The following ABLIM2 variants were observed in gnomAD, a reference collection of about 807,000 sequenced individuals.
The protein encoded by ABLIM2 is actin binding LIM protein family member 2, also known as actin-binding LIM protein 2.
ABLIM2 carries 53 observed loss-of-function variants against 97.7 expected under a neutral mutation model. The ratio of observed to expected loss-of-function variants is 0.54; its 90% CI spans 0.44 to 0.68. The LOEUF is 0.68. ABLIM2 is among the 30% of genes least tolerant of loss of function. The pLI, the probability that ABLIM2 is intolerant of heterozygous loss-of-function variation, is 0.00. For synonymous variants in ABLIM2, 361 were observed against 345.8 expected (o/e 1.04, Z -0.49); for missense variants, 835 against 867.2 (o/e 0.96, Z 0.47).
intron 14 of ABLIM2, among the ~76,000 whole-genome samples, chr4:8,012,963 C>A (rs1226866953): frequency 6.6e-6 from 1 of 152,202 alleles, no homozygotes; most frequent in Non-Finnish European, 1.5e-5. Flanking sequence ...GTGCTGAGTG[C>A]CTACTGTGCA....
chr4:8,007,104 C>T, intron 16 of ABLIM2: 1 of 985,430 alleles, frequency 1.0e-6, no homozygotes, highest in Admixed American at 6.1e-5. Context: ...CACATTGAAA[C>T]ACTTTTCTAC....
intron 14 of ABLIM2, among the ~76,000 whole-genome samples, chr4:8,009,925 C>T (rs1008480161): frequency 5.3e-5 from 8 of 152,202 alleles, no homozygotes; most frequent in African/African-American, 1.9e-4. Context: ...TAGGGGCCAA[C>T]ATGAGCCCAG....
intron 14 of ABLIM2, among the ~76,000 whole-genome samples, chr4:8,009,905 A>G (rs1320076): frequency 0.83 from 126,619 of 152,108 alleles, 52,927 homozygotes; most frequent in African/African-American, 0.9. Flanking sequence ...GGTCACGGGC[A>G]AGTGGGCGGT....
chr4:8,143,907 G>T (rs757908526), intron 1 of ABLIM2, among the ~76,000 whole-genome samples: 43 of 152,270 alleles, frequency 2.8e-4, no homozygotes, highest in Middle Eastern at 3.4e-3. Context: ...TCTGTGAGGG[G>T]CATCCTTCCT....
At chr4:8,133,085 CG>C (rs1849658702) in intron 1 of ABLIM2, among the ~76,000 whole-genome samples, 1 of 152,164 alleles carries the variant, frequency 6.6e-6, no homozygotes, top group South Asian at 2.1e-4. Flanking sequence ...TGCTGGCAGC[CG>C]GCAATCCTCC....
chr4:8,050,008 G>A (rs1794972591), intron 8 of ABLIM2, among the ~76,000 whole-genome samples: 1 of 152,208 alleles, frequency 6.6e-6, no homozygotes, highest in African/African-American at 2.4e-5. Flanking sequence ...GATTACAGGT[G>A]TGAGCCACTG....
At chr4:8,116,197 G>C (rs886854680) in intron 1 of ABLIM2, among the ~76,000 whole-genome samples, 1 of 152,206 alleles carries the variant, frequency 6.6e-6, no homozygotes, top group Admixed American at 6.5e-5. Context: ...ATGCCACTGA[G>C]GCTTGGGGTG....
intron 1 of ABLIM2, among the ~76,000 whole-genome samples, chr4:8,154,168 T>C (rs1178415328): frequency 2.6e-5 from 4 of 151,722 alleles, no homozygotes; most frequent in Admixed American, 6.6e-5. Context: ...TTCACTGTGT[T>C]AGCCAGGATG....
At chr4:8,115,635 T>G (rs751224679) in intron 1 of ABLIM2, among the ~76,000 whole-genome samples, 11 of 152,196 alleles carry the variant, frequency 7.2e-5, no homozygotes, top group Non-Finnish European at 1.5e-4. Flanking sequence ...ACGGGCTGTC[T>G]GAGCAAAGCC....
chr4:8,071,469 G>A lies in ABLIM2; in HGVS notation c.675+6159C>T, dbSNP rs542013133. 3.3e-5 allele frequency among the ~76,000 whole-genome samples: 5 copies of A among 152,276 alleles called. No homozygotes were observed. The highest frequency in any genetic ancestry group is 4.2e-4 in the South Asian group (2 of 4,818). ...TGTCACCACCAAATGCACATTTCGC[G>A]GGCAGGCGGGCACTGCGGGCGCCAG... is the stretch of plus-strand genomic sequence containing the variant. On this transcript the variant is annotated intron_variant, in intron 6 of 20. Coordinates refer to ENST00000447017, the MANE Select transcript of ABLIM2 (RefSeq NM_001130083.2). The surrounding 1 kb of genome is among the most constrained non-coding windows in gnomAD (Gnocchi z 6.2).
intron 20 of ABLIM2, among the ~76,000 whole-genome samples, chr4:7,968,477 G>A (rs1724831085): frequency 6.6e-6 from 1 of 152,240 alleles, no homozygotes; most frequent in South Asian, 2.1e-4. Flanking sequence ...ACATGTCCAT[G>A]TGACGGAATA....
rs1753553767 is a variant in ABLIM2, at chr4:7,996,696, A to G, written c.1619-3769T>C. On this transcript the variant is annotated intron_variant, in intron 16 of 20. Coordinates refer to ENST00000447017, the MANE Select transcript of ABLIM2 (RefSeq NM_001130083.2). The surrounding 1 kb of genome is among the most constrained non-coding windows in gnomAD (Gnocchi z 4.5). ...TTTCTGAAGTTCCAAGCCTTCTTCT[A>G]TTATCATTTCCTTTCTGTTTGGAGA... 6.6e-6 allele frequency among the ~76,000 whole-genome samples: 1 copy of G among 152,074 alleles called. No homozygotes were observed. The highest frequency in any genetic ancestry group is 2.4e-5 in the African/African-American group (1 of 41,376).
At chr4:8,090,528 C>T (rs1471073338) in intron 3 of ABLIM2, among the ~76,000 whole-genome samples, 1 of 152,094 alleles carries the variant, frequency 6.6e-6, no homozygotes, top group African/African-American at 2.4e-5. Context: ...AATGTACACA[C>T]CCATATAACT....
intron 16 of ABLIM2, among the ~76,000 whole-genome samples, chr4:8,006,660 C>T (rs1356183323): frequency 2.0e-5 from 3 of 152,176 alleles, no homozygotes; most frequent in African/African-American, 4.8e-5. Flanking sequence ...TTCCCTGGCC[C>T]GTGGGCAGGT....
chr4:8,068,443 C>T lies in ABLIM2; in HGVS notation c.676-7389G>A, dbSNP rs1440040175. 2.0e-5 allele frequency among the ~76,000 whole-genome samples: 3 copies of T among 152,268 alleles called. No homozygotes were observed. The highest frequency in any genetic ancestry group is 4.4e-5 in the Non-Finnish European group (3 of 68,010). ...GGTTTAAGGGACGTCCCCACTGTGACGTGCAGAATAGGGCCAGCAGGACAG... is the reference window on the plus strand; with the variant it reads ...GGTTTAAGGGACGTCCCCACTGTGATGTGCAGAATAGGGCCAGCAGGACAG... On this transcript the variant is annotated intron_variant, in intron 6 of 20. Coordinates refer to ENST00000447017, the MANE Select transcript of ABLIM2 (RefSeq NM_001130083.2). This position sits in a 1 kb window ranked among gnomAD's most constrained non-coding sequence, Gnocchi z 4.5.
rs150020144 is a variant in ABLIM2 at position 8,127,056 on chromosome 4, T to C, written c.11-20419A>G. ...ACTCCAGCCTGGGTGACAGAGTGAG[T>C]CCCTGCCTCCAGAAAAAAAAAAAAA... On this transcript the variant is annotated intron_variant, in intron 1 of 20. Coordinates refer to ENST00000447017, the MANE Select transcript of ABLIM2 (RefSeq NM_001130083.2). This position sits in a 1 kb window ranked among gnomAD's most constrained non-coding sequence, Gnocchi z 7.3. Among the ~76,000 whole-genome samples, 9 of 135,446 alleles carry C rather than the reference T, an allele frequency of 6.6e-5. No individual in the cohort carries two copies. Among genetic ancestry groups the C allele is most frequent in the Non-Finnish European group, 9.3e-5 (6 of 64,208 alleles). The allele number at this position is 135,446 out of a possible 152,430, so 88.9% of individuals were successfully genotyped here. A position where few individuals can be genotyped will look rare whatever the true frequency, so the allele number is the denominator to read the frequency against.
rs1259182467 is a variant in ABLIM2 at position 8,124,540 on chromosome 4, G to T, written c.11-17903C>A. On this transcript the variant is annotated intron_variant, in intron 1 of 20. Transcript: ENST00000447017. The surrounding 1 kb of genome is among the most constrained non-coding windows in gnomAD (Gnocchi z 6.1). Reference sequence around the variant, plus strand: ...CCTTCGCGACTGGCTTCTTTCACTCGGCGTCATGTTTTCAGGGAGTGTCCG... The same window carrying T: ...CCTTCGCGACTGGCTTCTTTCACTCTGCGTCATGTTTTCAGGGAGTGTCCG... Among the ~76,000 whole-genome samples, 1 of 152,034 alleles carries T rather than the reference G, an allele frequency of 6.6e-6. No homozygotes were observed. The highest frequency in any genetic ancestry group is 2.4e-5 in the African/African-American group (1 of 41,372).
intron 20 of ABLIM2, among the ~76,000 whole-genome samples, chr4:7,973,800 C>T (rs1195664878): frequency 6.6e-6 from 1 of 152,222 alleles, no homozygotes; most frequent in African/African-American, 2.4e-5. Flanking sequence ...ACCCATCCAC[C>T]TTGCGTTCTG....
intron 20 of ABLIM2, among the ~76,000 whole-genome samples, chr4:7,974,370 T>TCCATCCATCCAC (rs1359495239): frequency 1.4e-4 from 19 of 131,914 alleles, no homozygotes; most frequent in South Asian, 2.4e-4. Flanking sequence ...CCTCCATTCA[T>TCCATCCATCCAC]CCATCCATCC....
Sources: allele counts gnomAD v4.1 joint callset (sites outside exome capture counted in the v4.1 genomes callset), GRCh38; gene constraint gnomAD v4.1.1; non-coding constraint Gnocchi (gnomAD v3.1); transcripts MANE v1.5; gene names NCBI Gene and HGNC (gene_info 2026-07-23, HGNC 2026-07-21).